HMGCLL1: variants seen among roughly 807,000 people sequenced by gnomAD.
The protein encoded by HMGCLL1 is 3-hydroxy-3-methylglutaryl-CoA lyase like 1.
A neutral mutation model predicts 39.1 loss-of-function variants in HMGCLL1; 36 were observed. That is an observed-to-expected ratio of 0.92 (90% CI 0.71 to 1.22). The LOEUF is 1.22. Ranked by LOEUF, HMGCLL1 falls within the 50% of genes most tolerant of loss-of-function variation. The probability of loss-of-function intolerance (pLI) is 0.00; values close to 1 mark genes in which losing one functional copy is unlikely to be tolerated. For missense variants in HMGCLL1, 451 were observed against 416.5 expected, an observed-to-expected ratio of 1.08 and a Z score of -0.72; for synonymous variants, 149 against 144.0, an observed-to-expected ratio of 1.03 and a Z score of -0.25.
chr6:55,652,105 G>T, the HMGCLL1 span, among the ~76,000 whole-genome samples: 1 of 152,030 alleles, frequency 6.6e-6, no homozygotes, highest in Non-Finnish European at 1.5e-5. Flanking sequence ...TGTGCAGACA[G>T]TTGTCAAAAT....
At chr6:55,451,866 A>T (rs896971277) in intron 7 of HMGCLL1, among the ~76,000 whole-genome samples, 5 of 152,230 alleles carry the variant, frequency 3.3e-5, no homozygotes, top group African/African-American at 1.2e-4. Flanking sequence ...GGCTTGTGAG[A>T]ATGTACAGAC....
At chr6:55,564,376 T>A (rs553182965) in intron 1 of HMGCLL1, among the ~76,000 whole-genome samples, 56 of 152,252 alleles carry the variant, frequency 3.7e-4, no homozygotes, top group Middle Eastern at 6.8e-3. Context: ...ATCTTTTAGG[T>A]GACTGAGGTT....
chr6:55,591,662 T>G, the HMGCLL1 span, among the ~76,000 whole-genome samples: 1 of 149,644 alleles, frequency 6.7e-6, no homozygotes, highest in African/African-American at 2.5e-5. Context: ...ACTAATGAAG[T>G]TTTACTCTAC....
the HMGCLL1 span, among the ~76,000 whole-genome samples, chr6:55,631,295 A>G: frequency 1.3e-5 from 2 of 151,866 alleles, no homozygotes; most frequent in Admixed American, 6.6e-5. Context: ...CTCATTCTTT[A>G]TGAAGACTTT....
At chr6:55,634,405 C>A in the HMGCLL1 span, among the ~76,000 whole-genome samples, 3 of 152,120 alleles carry the variant, frequency 2.0e-5, no homozygotes, top group Admixed American at 1.3e-4. Flanking sequence ...CCTGAGTAAG[C>A]TTTTGCTACT....
chr6:55,668,083 A>G, the HMGCLL1 span, among the ~76,000 whole-genome samples: 1 of 151,890 alleles, frequency 6.6e-6, no homozygotes, highest in Non-Finnish European at 1.5e-5. Context: ...GATTGTACAA[A>G]TTAAACTCAC....
chr6:55,606,914 AAGAG>A, the HMGCLL1 span, among the ~76,000 whole-genome samples: 3 of 152,090 alleles, frequency 2.0e-5, no homozygotes, highest in East Asian at 3.8e-4. Flanking sequence ...GAGAGAGAGA[AAGAG>A]AGAGAGGAGA....
At chr6:55,619,269 G>GT in the HMGCLL1 span, among the ~76,000 whole-genome samples, 2 of 151,898 alleles carry the variant, frequency 1.3e-5, no homozygotes, top group Non-Finnish European at 2.9e-5. Context: ...TGAAATTGTA[G>GT]TGAAAAAAAA....
At chr6:55,564,445 G>T (rs994461665) in intron 1 of HMGCLL1, among the ~76,000 whole-genome samples, 7 of 151,968 alleles carry the variant, frequency 4.6e-5, no homozygotes, top group Non-Finnish European at 1.5e-5. Context: ...CAATGTGCAG[G>T]TTTGTTACAT....
At chr6:55,487,215 A>T (rs1255907359) in intron 7 of HMGCLL1, among the ~76,000 whole-genome samples, 2 of 150,950 alleles carry the variant, frequency 1.3e-5, no homozygotes, top group Non-Finnish European at 3.0e-5. Flanking sequence ...TTTTTTTACA[A>T]TTTGTGTGCC....
chr6:55,656,996 T>G, the HMGCLL1 span, among the ~76,000 whole-genome samples: 6 of 152,008 alleles, frequency 3.9e-5, no homozygotes. Flanking sequence ...TGCTGATGAA[T>G]TAAATACAGA....
the HMGCLL1 span, among the ~76,000 whole-genome samples, chr6:55,661,972 A>G: frequency 6.6e-6 from 1 of 150,918 alleles, no homozygotes; most frequent in African/African-American, 2.4e-5. Flanking sequence ...TTTTTGTGGC[A>G]ATTGTGAATG....
intron 7 of HMGCLL1, among the ~76,000 whole-genome samples, chr6:55,465,953 G>A (rs1279442134): frequency 1.3e-5 from 2 of 151,798 alleles, no homozygotes; most frequent in Non-Finnish European, 2.9e-5. Flanking sequence ...CAGAACCACT[G>A]CCCTTAACCT....
chr6:55,437,101 A>G (rs1039559010), intron 8 of HMGCLL1, among the ~76,000 whole-genome samples: 3 of 152,058 alleles, frequency 2.0e-5, no homozygotes, highest in Admixed American at 6.6e-5. Context: ...ACAATTATAC[A>G]GTAGAATTTG....
chr6:55,643,802 T>C, the HMGCLL1 span, among the ~76,000 whole-genome samples: 4 of 152,006 alleles, frequency 2.6e-5, no homozygotes, highest in East Asian at 3.9e-4. Context: ...CTCTTTCTTA[T>C]AGCTGAATGA....
chr6:55,631,404 TG>T, the HMGCLL1 span, among the ~76,000 whole-genome samples: 1 of 152,090 alleles, frequency 6.6e-6, no homozygotes, highest in Admixed American at 6.6e-5. Flanking sequence ...AGGAATTATT[TG>T]TATCATTATA....
chr6:55,477,378 ATATTATCTAAATATAAT>A (rs1765478863), intron 7 of HMGCLL1, among the ~76,000 whole-genome samples: 1 of 40,502 alleles, frequency 2.5e-5, no homozygotes, highest in South Asian at 5.9e-4. Context: ...AATATAATAT[ATATTATCTAAATATAAT>A]ATATATTATC....
rs563551841 is a variant in HMGCLL1 at position 55,515,647 on chromosome 6, C to T, written c.393+861G>A. ...CCCTCTGAGTTAACATGAGAGTGTCCTTTCAGTATCTTCTTCAAGGTAAGA... is the reference window on the plus strand; with the variant it reads ...CCCTCTGAGTTAACATGAGAGTGTCTTTTCAGTATCTTCTTCAAGGTAAGA... On this transcript the variant is annotated intron_variant, in intron 4 of 8. Coordinates refer to ENST00000274901, the MANE Select transcript of HMGCLL1 (RefSeq NM_001042406.2). Among the ~76,000 whole-genome samples, 6 of 152,146 alleles carry T rather than the reference C, an allele frequency of 3.9e-5. No homozygotes were observed. The East Asian group carries it at 7.8e-4, about 20-fold the overall frequency.
the HMGCLL1 span, among the ~76,000 whole-genome samples, chr6:55,623,352 A>G: frequency 2.0e-5 from 3 of 151,286 alleles, no homozygotes; most frequent in South Asian, 6.3e-4. Flanking sequence ...GTTTATTTGA[A>G]GTTTTTCTAC....
Sources: allele counts gnomAD v4.1 joint callset (sites outside exome capture counted in the v4.1 genomes callset), GRCh38; gene constraint gnomAD v4.1.1; transcripts MANE v1.5; gene names NCBI Gene and HGNC (gene_info 2026-07-23, HGNC 2026-07-21).